Variants in FRMD4A observed in about 807,000 individuals in gnomAD.
The protein encoded by FRMD4A is FERM domain containing 4A.
FRMD4A carries 29 observed loss-of-function variants against 129.1 expected under a neutral mutation model. That is an observed-to-expected ratio of 0.22 (90% CI 0.17 to 0.31). The LOEUF (loss-of-function observed/expected upper bound fraction) is 0.31, where lower values mean the gene tolerates loss of function less well. Ranked by LOEUF, FRMD4A falls within the 10% of genes least tolerant of loss-of-function variation. The probability of loss-of-function intolerance (pLI) is 1.00; values close to 1 mark genes in which losing one functional copy is unlikely to be tolerated. For missense variants in FRMD4A, 1,272 were observed against 1,375.8 expected (o/e 0.92, Z 1.19); for synonymous variants, 634 against 571.6 (o/e 1.11, Z -1.56).
At chr10:13,717,923 C>A (rs2089001585) in intron 12 of FRMD4A, among the ~76,000 whole-genome samples, 1 of 152,010 alleles carries the variant, frequency 6.6e-6, no homozygotes, top group Non-Finnish European at 1.5e-5. Flanking sequence ...TGCTTTATCA[C>A]CCATAACAAA....
intron 2 of FRMD4A, among the ~76,000 whole-genome samples, chr10:14,117,534 T>C (rs1315409540): frequency 2.0e-5 from 3 of 152,172 alleles, no homozygotes; most frequent in African/African-American, 7.2e-5. Flanking sequence ...GCCTGCTTCA[T>C]TGAGCTCAGG....
chr10:13,750,202 C>CTT (rs10696278), intron 8 of FRMD4A, among the ~76,000 whole-genome samples: 102,754 of 150,984 alleles, frequency 0.68, 35,940 homozygotes, highest in East Asian at 0.96. Context: ...TGAATCCTGA[C>CTT]CATGACCAAC....
intron 8 of FRMD4A, among the ~76,000 whole-genome samples, chr10:13,754,758 T>C (rs147619683): frequency 1.1e-3 from 173 of 152,276 alleles, no homozygotes; most frequent in African/African-American, 3.9e-3. Context: ...TAGGTAGATA[T>C]TAAAGTTACT....
rs61167438 is a variant in FRMD4A at position 14,066,008 on chromosome 10, T to TTGTGTGTGTGTGTGTGTGTGTG, written c.46-207118_46-207097dup. Among the ~76,000 whole-genome samples the TTGTGTGTGTGTGTGTGTGTGTG allele has an allele frequency of 2.4e-4, 33 of 139,222 alleles. 1 individual carries two copies. Among genetic ancestry groups the TTGTGTGTGTGTGTGTGTGTGTG allele is most frequent in the African/African-American group, 8.8e-4 (33 of 37,438 alleles). The allele number at this position is 139,222 out of a possible 152,430, so 91.3% of individuals were successfully genotyped here. A position where few individuals can be genotyped will look rare whatever the true frequency, so the allele number is the denominator to read the frequency against. On this transcript the variant is annotated intron_variant, in intron 2 of 24. Transcript: ENST00000357447. ...GGAAGTATGAAGTGGGGGTATGTATTTGTGTGTGTGTGTGTGTGTGTGTGT... is the reference window on the plus strand; with the variant it reads ...GGAAGTATGAAGTGGGGGTATGTATTTGTGTGTGTGTGTGTGTGTGTGTGTGTGTGTGTGTGTGTGTGTGTGT...
chr10:14,267,968 A>G (rs1267131375), intron 2 of FRMD4A, among the ~76,000 whole-genome samples: 1 of 152,226 alleles, frequency 6.6e-6, no homozygotes, highest in Non-Finnish European at 1.5e-5. Context: ...TGGTGTAGTC[A>G]TTCATTAGTG....
At chr10:13,789,729 G>T (rs1404010974) in intron 5 of FRMD4A, among the ~76,000 whole-genome samples, 1 of 106,284 alleles carries the variant, frequency 9.4e-6, no homozygotes, top group African/African-American at 2.9e-5. Context: ...GCAGTTCAAG[G>T]TGCTCTTGGT....
In FRMD4A at chr10:13,656,828, G is replaced by A. The variant is rs1227303971; in HGVS notation, c.2761C>T (p.Arg921Cys). The A allele has an allele frequency of 3.9e-6, 6 of 1,552,946 alleles. No homozygotes were observed. Among genetic ancestry groups the A allele is most frequent in the South Asian group, 3.6e-5 (3 of 83,706 alleles). Residue 921 changes from arginine to cysteine, a missense_variant, in exon 22 of 25, where the codon CGT (arginine) becomes TGT (cysteine). Coordinates refer to ENST00000357447, the MANE Select transcript of FRMD4A (RefSeq NM_018027.5). ...CGCAGCTCGTCTGAGACGGCGGCACGGCCCGCGCCCTTGTCGTGGGCGCCC... is the reference window on the plus strand; with the variant it reads ...CGCAGCTCGTCTGAGACGGCGGCACAGCCCGCGCCCTTGTCGTGGGCGCCC... The part of the protein sequence containing the change: ...REGAHDKGAG[R>C]AAVSDELRQW...
At chr10:13,737,788 G>A (rs1369145040) in intron 12 of FRMD4A, 56 bp downstream of exon 12, 9 of 945,418 alleles carry the variant, frequency 9.5e-6, no homozygotes, top group Admixed American at 8.6e-5. Flanking sequence ...TGACTCCTAC[G>A]CCTGTTCCTC....
intron 2 of FRMD4A, among the ~76,000 whole-genome samples, chr10:14,138,485 A>G (rs10906612): frequency 0.59 from 89,704 of 151,856 alleles, 26,696 homozygotes; most frequent in East Asian, 0.8. Context: ...CAAAGGCCGG[A>G]CGCGGTGGCT....
intron 24 of FRMD4A, chr10:13,649,743 C>T (rs982499927): frequency 2.0e-5 from 3 of 152,156 alleles, no homozygotes; most frequent in African/African-American, 7.2e-5. Flanking sequence ...TAAGCCTTTG[C>T]CTTTCAGTAC....
At chr10:13,689,653 C>T (rs191746009) in intron 15 of FRMD4A, among the ~76,000 whole-genome samples, 41 of 150,848 alleles carry the variant, frequency 2.7e-4, no homozygotes, top group East Asian at 1.9e-3. Flanking sequence ...CCTGGGCTCA[C>T]GTGATCCTCC....
chr10:14,118,515 C>T (rs1210836767), intron 2 of FRMD4A, among the ~76,000 whole-genome samples: 1 of 152,136 alleles, frequency 6.6e-6, no homozygotes. Context: ...GCATCAATTC[C>T]TGGCTATATT....
chr10:14,140,293 C>A (rs1431083908), intron 2 of FRMD4A, among the ~76,000 whole-genome samples: 2 of 152,168 alleles, frequency 1.3e-5, no homozygotes, highest in African/African-American at 2.4e-5. Context: ...GAACTCCTGA[C>A]CTCAAGTGAT....
At chr10:14,101,464 G>A (rs7900945) in intron 2 of FRMD4A, among the ~76,000 whole-genome samples, 56,236 of 152,018 alleles carry the variant, frequency 0.37, 11,255 homozygotes, top group East Asian at 0.53. Flanking sequence ...GAAATTCCAC[G>A]GACATTCATT....
At chr10:13,913,072 T>A (rs1395533403) in intron 2 of FRMD4A, among the ~76,000 whole-genome samples, 94 of 126,628 alleles carry the variant, frequency 7.4e-4, no homozygotes, top group African/African-American at 2.3e-3. Context: ...AAACTCCATT[T>A]AAAAAAAAAA....
chr10:14,237,796 G>T (rs555120654), intron 2 of FRMD4A, among the ~76,000 whole-genome samples: 1 of 152,336 alleles, frequency 6.6e-6, no homozygotes, highest in Admixed American at 6.5e-5. Flanking sequence ...TCCCTTCTGA[G>T]AATCCATTAT....
chr10:14,289,637 T>C (rs1845789538), intron 2 of FRMD4A, among the ~76,000 whole-genome samples: 1 of 152,144 alleles, frequency 6.6e-6, no homozygotes, highest in South Asian at 2.1e-4. Context: ...ATAAAGTCCA[T>C]ATATGAAAAG....
chr10:13,967,825 G>A (rs567042368), intron 2 of FRMD4A, among the ~76,000 whole-genome samples: 1 of 152,348 alleles, frequency 6.6e-6, no homozygotes, highest in South Asian at 2.1e-4. Context: ...GCAGGCAGAT[G>A]GCGTGAGCCC....
intron 2 of FRMD4A, among the ~76,000 whole-genome samples, chr10:14,205,534 C>T (rs1003787127): frequency 2.6e-5 from 4 of 152,032 alleles, no homozygotes; most frequent in African/African-American, 7.2e-5. Context: ...GGGCCGGGTG[C>T]GGTGGCTTAT....
Sources: gnomAD v4.1 joint callset for allele counts (sites outside exome capture counted in the v4.1 genomes callset) on GRCh38, gnomAD v4.1.1 for gene constraint, MANE v1.5 for transcripts, NCBI Gene and HGNC (gene_info 2026-07-23, HGNC 2026-07-21) for gene names.